The following GRHPR variants were observed in gnomAD, a reference collection of about 807,000 sequenced individuals.
GRHPR encodes the protein glyoxylate reductase/hydroxypyruvate reductase.
In GRHPR, 35 loss-of-function variants were observed where a neutral mutation model predicts 36.8. That is an observed-to-expected ratio of 0.95 (90% CI 0.73 to 1.26). The LOEUF (loss-of-function observed/expected upper bound fraction) is 1.26, where lower values mean the gene tolerates loss of function less well. Ranked by LOEUF, GRHPR falls within the 50% of genes most tolerant of loss-of-function variation. The pLI, the probability that GRHPR is intolerant of heterozygous loss-of-function variation, is 0.00. For missense variants in GRHPR, 380 were observed against 435.0 expected (o/e 0.87, Z 1.12); for synonymous variants, 179 against 181.0 (o/e 0.99, Z 0.09).
Position 37,431,761 on chromosome 9 carries a change from GAC to G in GRHPR, c.735-243_735-242del, listed in dbSNP as rs1823377909. On this transcript the variant is annotated intron_variant, in intron 7 of 8. Transcript: ENST00000318158. The stretch of plus-strand genomic sequence containing the variant: ...TTATCTCACAGAGTAGATAATTTGA[GAC>G]ACAGATAATTCGAGGCACAGAGAAT... 5.4e-5 allele frequency: 25 copies of G among 460,742 alleles called. 1 individual carries two copies. The highest frequency in any genetic ancestry group is 5.1e-4 in the South Asian group (24 of 47,088). 28.5% of individuals were successfully genotyped at this position (460,742 alleles called of 1,614,324 possible).
chr9:37,435,009 T>TA (rs1823573869), intron 8 of GRHPR: 2 of 152,270 alleles, frequency 1.3e-5, no homozygotes, highest in African/African-American at 4.8e-5. Context: ...CCCAGCACTT[T>TA]AGGAGGCCAA....
intron 1 of GRHPR, 79 bp from the exon 2 acceptor site, chr9:37,424,766 A>AG: frequency 6.5e-7 from 1 of 1,539,024 alleles, no homozygotes; most frequent in Non-Finnish European, 8.8e-7. Flanking sequence ...GGGCCATCAG[A>AG]GGCCAGGATT....
chr9:37,426,595 A>C lies in GRHPR; in HGVS notation c.345A>C (p.Ala115=). 1 of 1,614,032 alleles carries C rather than the reference A, an allele frequency of 6.2e-7. No individual in the cohort carries two copies. The highest frequency in any genetic ancestry group is 8.5e-7 in the Non-Finnish European group (1 of 1,179,886). The part of the protein sequence containing the change: ...DVLTDTTAEL[A]VSLLLTTCRR... ...TGACAGATACCACCGCCGAACTCGC[A>C]GTCTCCCTGCTACTTACCACCTGCC... is the stretch of plus-strand genomic sequence containing the variant. Residue 115 remains alanine, a synonymous_variant, in exon 4 of 9, where the codon GCA becomes GCC. Coordinates refer to ENST00000318158, the MANE Select transcript of GRHPR (RefSeq NM_012203.2).
At position 37,428,583 on chromosome 9, in the gene GRHPR, C is replaced by T; in HGVS notation, c.493+11C>T. 1 of 1,574,832 alleles carries T rather than the reference C, an allele frequency of 6.3e-7. No individual in the cohort carries two copies. Among genetic ancestry groups the T allele is most frequent in the Non-Finnish European group, 8.7e-7 (1 of 1,150,178 alleles). ...GGCTGGGGCGCATAGGTGAGGCTCC[C>T]ACCGGCCCGCTTGCCCGCCCCGGCT... On this transcript the variant is annotated intron_variant, in intron 5 of 8. Transcript: ENST00000318158.
In GRHPR at chr9:37,430,567, A is replaced by G. The variant is rs1823313910; in HGVS notation, c.655A>G (p.Thr219Ala). The G allele has an allele frequency of 6.2e-7, 1 of 1,613,610 alleles. No homozygotes were observed. Among genetic ancestry groups the G allele is most frequent in the Non-Finnish European group, 8.5e-7 (1 of 1,179,554 alleles). Residue 219 changes from threonine to alanine, a missense_variant, in exon 7 of 9, where the codon ACA (threonine) becomes GCA (alanine). Coordinates refer to ENST00000318158, the MANE Select transcript of GRHPR (RefSeq NM_012203.2). ...TTTCATCGTCGTGGCCTGCTCCTTA[A>G]CACCTGCAACCGAGGGACTCTGCAA... The part of the protein sequence containing the change: ...SDFIVVACSL[T>A]PATEGLCNKD...
Position 37,436,680 on chromosome 9 carries a change from C to T in GRHPR, c.885C>T (p.Gly295=). ...LKNCVILPHI[G]SATHRTRNTM... ...TTCCAGTGATTCTGCCCCACATTGG[C>T]AGTGCCACCCACAGAACCCGCAACA... The change falls in exon 9 of 9, where the codon GGC becomes GGT. Residue 295 remains glycine (G), a synonymous_variant. Transcript: ENST00000318158. 1 of 1,614,036 alleles carries T rather than the reference C, an allele frequency of 6.2e-7. No individual in the cohort carries two copies.
chr9:37,426,713 G>A (rs2118866329), intron 4 of GRHPR, 59 bp downstream of exon 4: 1 of 928,822 alleles, frequency 1.1e-6, no homozygotes, highest in East Asian at 2.4e-5. Context: ...ACTTTGGGAG[G>A]CCAAAGTGAG....
At chr9:37,429,298 C>CT in intron 5 of GRHPR, 1 of 281,912 alleles carries the variant, frequency 3.5e-6, no homozygotes, top group Non-Finnish European at 7.0e-6. Context: ...TTGGGGTGAG[C>CT]TGGCAGTTTG....
intron 8 of GRHPR, among the ~76,000 whole-genome samples, chr9:37,435,818 G>C (rs756417240): frequency 1.3e-5 from 2 of 152,132 alleles, no homozygotes; most frequent in Non-Finnish European, 2.9e-5. Context: ...GGGTTTATTT[G>C]GTAAAGATGA....
Position 37,432,155 on chromosome 9 carries a change from C to G in GRHPR, c.865+17C>G, listed in dbSNP as rs1194791801. 1 of 1,613,314 alleles carries G rather than the reference C, an allele frequency of 6.2e-7. No individual in the cohort carries two copies. Among genetic ancestry groups the G allele is most frequent in the South Asian group, 1.1e-5 (1 of 91,052 alleles). ...AGAACTGTGGTAAGAACTGCACTTT[C>G]TGATGCAAACTCCCTGCTGCCCTGC... On this transcript the variant is annotated intron_variant, in intron 8 of 8. Coordinates refer to ENST00000318158, the MANE Select transcript of GRHPR (RefSeq NM_012203.2).
intron 8 of GRHPR, 28 bp from the exon 9 acceptor site, chr9:37,436,633 T>TCC (rs1564305368): frequency 2.5e-6 from 4 of 1,596,344 alleles, no homozygotes; most frequent in Non-Finnish European, 3.4e-6. Flanking sequence ...CCTTCTTATC[T>TCC]CCCTCTCTCT....
At chr9:37,422,865 C>T (rs1405260021) in intron 1 of GRHPR, 32 bp downstream of exon 1, 2 of 1,499,554 alleles carry the variant, frequency 1.3e-6, no homozygotes, top group Non-Finnish European at 1.8e-6. Context: ...GAGGAGGGAG[C>T]AGGGCGGTCC....
chr9:37,430,479 T>C, intron 6 of GRHPR, 32 bp from the exon 7 acceptor site: 1 of 1,605,626 alleles, frequency 6.2e-7, no homozygotes, highest in Non-Finnish European at 8.5e-7. Context: ...AGCCTGGGAC[T>C]CAGTGCCTGA....
At chr9:37,434,336 G>A (rs1823530380) in intron 8 of GRHPR, 1 of 473,734 alleles carries the variant, frequency 2.1e-6, no homozygotes, top group African/African-American at 2.0e-5. Context: ...CCTGTGCCTT[G>A]GGGGAAGGGC....
At chr9:37,432,670 T>C in intron 8 of GRHPR, 1 of 186,466 alleles carries the variant, frequency 5.4e-6, no homozygotes, top group Non-Finnish European at 1.1e-5. Flanking sequence ...AGAGTGAGAC[T>C]CCATCTCCAA....
chr9:37,433,964 C>A (rs1823506413), intron 8 of GRHPR: 3 of 381,070 alleles, frequency 7.9e-6, no homozygotes, highest in East Asian at 3.7e-5. Flanking sequence ...CCCTCCCCCA[C>A]CCCAGCCTGC....
chr9:37,426,428 C>T, intron 3 of GRHPR, 110 bp from the exon 4 acceptor site: 1 of 818,936 alleles, frequency 1.2e-6, no homozygotes, highest in East Asian at 2.4e-5. Flanking sequence ...TCTGAGCTTC[C>T]TGGCAGGCAG....
chr9:37,436,129 GAC>G (rs1823631271), intron 8 of GRHPR, among the ~76,000 whole-genome samples: 1 of 152,166 alleles, frequency 6.6e-6, no homozygotes, highest in Non-Finnish European at 1.5e-5. Flanking sequence ...TTTTGTTTGA[GAC>G]AGAGTCTCCC....
chr9:37,428,824 C>T (rs933885886), intron 5 of GRHPR: 9 of 629,002 alleles, frequency 1.4e-5, no homozygotes, highest in African/African-American at 1.8e-5. Context: ...TTCATGATTC[C>T]GGCTCCATAA....
Sources: allele counts gnomAD v4.1 joint callset (sites outside exome capture counted in the v4.1 genomes callset), GRCh38; gene constraint gnomAD v4.1.1; transcripts MANE v1.5; gene names NCBI Gene and HGNC (gene_info 2026-07-23, HGNC 2026-07-21).